Variants in NRXN3 observed in about 807,000 individuals in gnomAD.
The protein encoded by NRXN3 is neurexin 3, also known as neurexin III.
NRXN3 carries 32 observed loss-of-function variants against 137.6 expected under a neutral mutation model. That is an observed-to-expected ratio of 0.23 (90% CI 0.18 to 0.31). The LOEUF (loss-of-function observed/expected upper bound fraction) is 0.31. Ranked by LOEUF, NRXN3 falls within the 10% of genes least tolerant of loss-of-function variation. The pLI is 1.00. For missense variants in NRXN3, 1,574 were observed against 2,062.5 expected, an observed-to-expected ratio of 0.76 and a Z score of 4.59; for synonymous variants, 798 against 784.5, an observed-to-expected ratio of 1.02 and a Z score of -0.29.
chr14:78,211,153 A>G (rs1566976724), intron 1 of NRXN3, among the ~76,000 whole-genome samples: 1 of 152,262 alleles, frequency 6.6e-6, no homozygotes, highest in Admixed American at 6.5e-5. Context: ...GCAAATGAAG[A>G]GAAAAACTCC....
chr14:78,768,075 CAAAAA>C lies in NRXN3; in HGVS notation c.2045-35531_2045-35527del, dbSNP rs79591478. On this transcript the variant is annotated intron_variant, in intron 8 of 20. Coordinates refer to ENST00000335750, the MANE Select transcript of NRXN3 (RefSeq NM_001330195.2). ...CATAATCGAAAACAAATGTGTTTAC[CAAAAA>C]AAAAAAAAAAAAAGTACAGATAGGT... Among the ~76,000 whole-genome samples the C allele has an allele frequency of 7.9e-3, 647 of 81,628 alleles. 4 individuals carry two copies. The highest frequency in any genetic ancestry group is 0.024 in the African/African-American group (572 of 23,832). 53.6% of individuals were successfully genotyped at this position (81,628 alleles called of 152,430 possible).
chr14:78,424,479 G>A (rs1416147756), intron 4 of NRXN3, among the ~76,000 whole-genome samples: 12 of 152,166 alleles, frequency 7.9e-5, no homozygotes, highest in African/African-American at 2.4e-4. Flanking sequence ...TCCTGTCATC[G>A]TCCCACTGTG....
intron 16 of NRXN3, among the ~76,000 whole-genome samples, chr14:79,549,001 TC>T (rs2097348768): frequency 6.6e-6 from 1 of 151,998 alleles, no homozygotes; most frequent in Admixed American, 6.6e-5. Context: ...GCAGGTTAGG[TC>T]CATGGGAGAT....
At chr14:78,363,639 C>G (rs1296039273) in intron 4 of NRXN3, among the ~76,000 whole-genome samples, 1 of 152,182 alleles carries the variant, frequency 6.6e-6, no homozygotes, top group African/African-American at 2.4e-5. Flanking sequence ...CTTTCCTATT[C>G]GGCCCATGAT....
chr14:78,677,378 G>C (rs1368764147), intron 6 of NRXN3, among the ~76,000 whole-genome samples: 1 of 152,026 alleles, frequency 6.6e-6, no homozygotes. Context: ...TGACTTTGAG[G>C]AGTTCAAGAC....
intron 15 of NRXN3, among the ~76,000 whole-genome samples, chr14:79,249,625 C>T (rs942000402): frequency 2.6e-5 from 4 of 152,170 alleles, no homozygotes; most frequent in African/African-American, 7.2e-5. Context: ...CTGGCACATT[C>T]ATAACACATC....
chr14:79,160,776 T>C (rs2060696414), intron 15 of NRXN3, among the ~76,000 whole-genome samples: 1 of 151,956 alleles, frequency 6.6e-6, no homozygotes, highest in African/African-American at 2.4e-5. Flanking sequence ...AGGCAGAAGC[T>C]GACAGATGGC....
At chr14:78,233,590 A>T (rs2153440965) in intron 1 of NRXN3, among the ~76,000 whole-genome samples, 1 of 152,110 alleles carries the variant, frequency 6.6e-6, no homozygotes, top group South Asian at 2.1e-4. Flanking sequence ...AGATAAAGAC[A>T]TAAATACTCT....
intron 10 of NRXN3, among the ~76,000 whole-genome samples, chr14:78,955,827 A>G (rs1296804264): frequency 6.6e-6 from 1 of 152,228 alleles, no homozygotes; most frequent in Non-Finnish European, 1.5e-5. Context: ...GAAATTACCT[A>G]GAGATTTATA....
At chr14:78,895,995 A>G (rs1453119664) in intron 10 of NRXN3, among the ~76,000 whole-genome samples, 1 of 151,932 alleles carries the variant, frequency 6.6e-6, no homozygotes. Context: ...AATAATAATG[A>G]AAAAGTTTTA....
Position 79,470,947 on chromosome 14 carries a change from AGAGAGTGTGTGTGTGTGTGT to A in NRXN3, c.3444+3547_3444+3566del, listed in dbSNP as rs1402489756. Among the ~76,000 whole-genome samples, 194 of 102,734 alleles carry A rather than the reference AGAGAGTGTGTGTGTGTGTGT, an allele frequency of 1.9e-3. 1 individual carries two copies. The highest frequency in any genetic ancestry group is 4.3e-3 in the Middle Eastern group (1 of 232). The allele number at this position is 102,734 out of a possible 152,430, so 67.4% of individuals were successfully genotyped here. A position where few individuals can be genotyped will look rare whatever the true frequency, so the allele number is the denominator to read the frequency against. On this transcript the variant is annotated intron_variant, in intron 16 of 20. Coordinates refer to ENST00000335750, the MANE Select transcript of NRXN3 (RefSeq NM_001330195.2). ...GAGAGAGAGAGAGAGAGAAAGAGAG[AGAGAGTGTGTGTGTGTGTGT>A]GTGTGTGTGTGTGTGTGTGTGTGTG...
At chr14:78,228,157 C>CTT (rs1156767557) in intron 1 of NRXN3, among the ~76,000 whole-genome samples, 7,975 of 130,392 alleles carry the variant, frequency 0.061, 316 homozygotes, top group African/African-American at 0.082. Flanking sequence ...AATTTTCTTT[C>CTT]TTTTTTTTTT....
intron 19 of NRXN3, among the ~76,000 whole-genome samples, chr14:79,742,786 T>C (rs2098967265): frequency 6.6e-6 from 1 of 152,172 alleles, no homozygotes; most frequent in Non-Finnish European, 1.5e-5. Flanking sequence ...ATGAAGTTAG[T>C]AGATTATTAA....
At chr14:78,784,382 G>A (rs375082881) in intron 8 of NRXN3, among the ~76,000 whole-genome samples, 11 of 152,206 alleles carry the variant, frequency 7.2e-5, no homozygotes, top group South Asian at 2.1e-4. Flanking sequence ...AATGGACAAG[G>A]AGGCAATAGT....
chr14:79,571,891 C>G (rs953826037), intron 16 of NRXN3, among the ~76,000 whole-genome samples: 1 of 152,040 alleles, frequency 6.6e-6, no homozygotes, highest in Non-Finnish European at 1.5e-5. Flanking sequence ...AAAATATAGT[C>G]TACTGTTCAG....
chr14:79,583,056 T>A (rs556759411), intron 16 of NRXN3, among the ~76,000 whole-genome samples: 21 of 152,286 alleles, frequency 1.4e-4, no homozygotes, highest in Non-Finnish European at 2.2e-4. Context: ...TACATAAAAA[T>A]CTAAAACACA....
At chr14:78,779,544 T>C (rs2098761038) in intron 8 of NRXN3, among the ~76,000 whole-genome samples, 1 of 152,120 alleles carries the variant, frequency 6.6e-6, no homozygotes, top group Non-Finnish European at 1.5e-5. Context: ...GAGAGGAATC[T>C]ACAGTACTTT....
intron 4 of NRXN3, among the ~76,000 whole-genome samples, chr14:78,621,219 T>G (rs1302482272): frequency 6.6e-6 from 1 of 152,200 alleles, no homozygotes; most frequent in Admixed American, 6.5e-5. Flanking sequence ...TTCATTTTTT[T>G]TCTAGATGAG....
At chr14:79,702,472 G>T (rs1045258559) in intron 19 of NRXN3, among the ~76,000 whole-genome samples, 7 of 152,004 alleles carry the variant, frequency 4.6e-5, no homozygotes, top group African/African-American at 1.7e-4. Context: ...TGTAAAAAGA[G>T]CACAATTGGA....
Sources: allele counts gnomAD v4.1 joint callset (sites outside exome capture counted in the v4.1 genomes callset), GRCh38; gene constraint gnomAD v4.1.1; transcripts MANE v1.5; gene names NCBI Gene and HGNC (gene_info 2026-07-23, HGNC 2026-07-21).